Variants in TBCK observed in about 807,000 individuals in gnomAD.
TBCK encodes TBC domain-containing protein kinase-like protein.
Under a neutral mutation model 113.4 loss-of-function variants are expected in TBCK, and 99 were observed. That is an observed-to-expected ratio of 0.87 (90% CI 0.74 to 1.03). TBCK has a LOEUF of 1.03. Among genes scored for constraint, TBCK ranks in the 50% least tolerant of loss-of-function variants. The probability of loss-of-function intolerance (pLI) is 0.00; values close to 1 mark genes in which losing one functional copy is unlikely to be tolerated. For synonymous variants in TBCK, 369 were observed against 370.8 expected, an observed-to-expected ratio of 1.00 and a Z score of 0.05; for missense variants, 1,045 against 1,061.3, an observed-to-expected ratio of 0.98 and a Z score of 0.21.
Position 106,246,803 on chromosome 4 carries a change from C to CTA in TBCK, c.931+334_931+335dup, listed in dbSNP as rs149197067. Among the ~76,000 whole-genome samples, 283 of 151,732 alleles carry CTA rather than the reference C, an allele frequency of 1.9e-3. 1 individual carries two copies. Among genetic ancestry groups the CTA allele is most frequent in the African/African-American group, 5.5e-3 (228 of 41,416 alleles). On this transcript the variant is annotated intron_variant, in intron 10 of 25. Coordinates refer to ENST00000394708, the MANE Select transcript of TBCK (RefSeq NM_001163435.3). ...TCCAAGGAAGTTAGGCTCTGACTAACTATATATATATATTTGTGCGTGTGT... is the reference window on the plus strand; with the variant it reads ...TCCAAGGAAGTTAGGCTCTGACTAACTATATATATATATATTTGTGCGTGTGT...
intron 23 of TBCK, among the ~76,000 whole-genome samples, chr4:106,153,917 T>C (rs999332588): frequency 3.9e-5 from 6 of 152,134 alleles, no homozygotes; most frequent in African/African-American, 1.4e-4. Context: ...AATATCTTTT[T>C]CCATCCCCTT....
intron 19 of TBCK, among the ~76,000 whole-genome samples, chr4:106,216,469 G>A (rs1398283682): frequency 6.6e-6 from 1 of 152,016 alleles, no homozygotes; most frequent in African/African-American, 2.4e-5. Context: ...TAGACCGCTA[G>A]CAAGAATAAT....
intron 23 of TBCK, among the ~76,000 whole-genome samples, chr4:106,117,843 A>C (rs1482137652): frequency 6.6e-6 from 1 of 152,084 alleles, no homozygotes; most frequent in Non-Finnish European, 1.5e-5. Context: ...CCCTGTCTCT[A>C]CTAAAAATAC....
At chr4:106,189,571 A>T (rs1194309310) in intron 22 of TBCK, among the ~76,000 whole-genome samples, 1 of 152,148 alleles carries the variant, frequency 6.6e-6, no homozygotes, top group Non-Finnish European at 1.5e-5. Context: ...AGAAAAAATG[A>T]TGGATAACTA....
At chr4:106,174,060 C>A (rs989608111) in intron 22 of TBCK, among the ~76,000 whole-genome samples, 1 of 152,026 alleles carries the variant, frequency 6.6e-6, no homozygotes, top group African/African-American at 2.4e-5. Flanking sequence ...ATGATAAACA[C>A]AACCATTTGG....
chr4:106,241,232 A>T (rs191100572), intron 12 of TBCK, among the ~76,000 whole-genome samples: 14 of 152,054 alleles, frequency 9.2e-5, no homozygotes, highest in Middle Eastern at 3.4e-3. Context: ...CATTAAAAAT[A>T]AAATTGTTAT....
chr4:106,239,089 T>A (rs1278306583), intron 12 of TBCK, among the ~76,000 whole-genome samples: 1 of 152,034 alleles, frequency 6.6e-6, no homozygotes, highest in Non-Finnish European at 1.5e-5. Context: ...TTGAGAGGCC[T>A]GTCTTAAAGG....
intron 25 of TBCK, among the ~76,000 whole-genome samples, chr4:106,071,184 G>A (rs1461202394): frequency 2.6e-5 from 4 of 152,128 alleles, no homozygotes; most frequent in Non-Finnish European, 5.9e-5. Context: ...TTCTAATTGT[G>A]ATGTTAGGGT....
intron 13 of TBCK, 58 bp from the exon 14 acceptor site, chr4:106,236,577 CT>C (rs1006291048): frequency 6.8e-5 from 88 of 1,286,678 alleles, no homozygotes; most frequent in Admixed American, 9.6e-5. Context: ...ACAAAATTTT[CT>C]TTTTTTTTCC....
intron 12 of TBCK, among the ~76,000 whole-genome samples, chr4:106,241,179 T>C (rs1289542135): frequency 6.6e-6 from 1 of 151,752 alleles, no homozygotes; most frequent in Non-Finnish European, 1.5e-5. Context: ...ACAAGAGCAA[T>C]AATAAATTAC....
chr4:106,190,723 TGAA>T (rs147166314), intron 22 of TBCK, among the ~76,000 whole-genome samples: 2,775 of 152,100 alleles, frequency 0.018, 78 homozygotes, highest in African/African-American at 0.061. Flanking sequence ...TCTAAACATA[TGAA>T]GAAGAAGAAC....
intron 2 of TBCK, among the ~76,000 whole-genome samples, chr4:106,303,826 G>A (rs769294261): frequency 5.9e-5 from 9 of 152,146 alleles, no homozygotes; most frequent in Non-Finnish European, 1.2e-4. Flanking sequence ...CCATGAAGTG[G>A]TTCTGGCCAG....
rs1218782095 is a variant in TBCK, at chr4:106,111,476, T to C, written c.2411+4727A>G. Among the ~76,000 whole-genome samples the C allele has an allele frequency of 3.9e-5, 6 of 152,310 alleles. No homozygotes were observed. In the East Asian group the frequency reaches 1.2e-3, roughly 29 times the overall value. Reference sequence around the variant, plus strand: ...TTGCATTTACAATACCAGCTATCAATAATGAAAGGCCAGCTCACTGATTTC... The same window carrying C: ...TTGCATTTACAATACCAGCTATCAACAATGAAAGGCCAGCTCACTGATTTC... On this transcript the variant is annotated intron_variant, in intron 24 of 25. Coordinates refer to ENST00000394708, the MANE Select transcript of TBCK (RefSeq NM_001163435.3).
chr4:106,202,556 T>C (rs1055535635), intron 20 of TBCK, among the ~76,000 whole-genome samples: 2 of 152,040 alleles, frequency 1.3e-5, no homozygotes, highest in African/African-American at 4.8e-5. Flanking sequence ...TCCACCTTTA[T>C]TATTAAAAAG....
At chr4:106,068,200 G>C (rs907278716) in intron 25 of TBCK, among the ~76,000 whole-genome samples, 1 of 151,742 alleles carries the variant, frequency 6.6e-6, no homozygotes, top group Non-Finnish European at 1.5e-5. Flanking sequence ...TGTGCACAAC[G>C]TGCAGGTTTG....
chr4:106,186,177 A>C (rs1303754252), intron 22 of TBCK, among the ~76,000 whole-genome samples: 1 of 152,162 alleles, frequency 6.6e-6, no homozygotes, highest in Non-Finnish European at 1.5e-5. Flanking sequence ...ATTTTTGAAT[A>C]GTGTTGTGAT....
intron 3 of TBCK, among the ~76,000 whole-genome samples, chr4:106,264,282 G>A (rs1465386806): frequency 6.6e-6 from 1 of 151,992 alleles, no homozygotes; most frequent in Non-Finnish European, 1.5e-5. Context: ...AATGTGGTCA[G>A]GGAAGTCCTC....
intron 1 of TBCK, among the ~76,000 whole-genome samples, chr4:106,311,544 A>C (rs1000569732): frequency 6.6e-6 from 1 of 152,188 alleles, no homozygotes. Context: ...AATATATTCA[A>C]TAAGTAAGGG....
chr4:106,072,250 T>G (rs1737554112), intron 25 of TBCK, among the ~76,000 whole-genome samples: 1 of 152,226 alleles, frequency 6.6e-6, no homozygotes, highest in African/African-American at 2.4e-5. Flanking sequence ...TTCCTTTCCA[T>G]GTTTAGTGCT....
Sources: gnomAD v4.1 joint callset for allele counts (sites outside exome capture counted in the v4.1 genomes callset) on GRCh38, gnomAD v4.1.1 for gene constraint, MANE v1.5 for transcripts, NCBI Gene and HGNC (gene_info 2026-07-23, HGNC 2026-07-21) for gene names.